Variants in VWA8 observed in about 807,000 individuals in gnomAD.
The protein encoded by VWA8 is von Willebrand factor A domain containing 8, also known as von Willebrand factor A domain-containing protein 8.
In VWA8, 221 loss-of-function variants were observed where a neutral mutation model predicts 241.5. That is an observed-to-expected ratio of 0.91 (90% CI 0.82 to 1.02). The LOEUF is 1.02. VWA8 is among the 50% of genes least tolerant of loss of function. The pLI, the probability that VWA8 is intolerant of heterozygous loss-of-function variation, is 0.00. For synonymous variants in VWA8, 852 were observed against 827.1 expected (o/e 1.03, Z -0.52); for missense variants, 2,322 against 2,328.7 (o/e 1.00, Z 0.06).
intron 39 of VWA8, among the ~76,000 whole-genome samples, chr13:41,610,392 C>T (rs2044579629): frequency 6.6e-6 from 1 of 152,134 alleles, no homozygotes; most frequent in African/African-American, 2.4e-5. Flanking sequence ...CAAATTCAGG[C>T]ACAAAGAGGA....
At chr13:41,754,812 T>C (rs934159267) in intron 21 of VWA8, among the ~76,000 whole-genome samples, 9 of 152,142 alleles carry the variant, frequency 5.9e-5, no homozygotes, top group Non-Finnish European at 8.8e-5. Context: ...ACGAGTTCAA[T>C]TGTTTTAATT....
intron 24 of VWA8, among the ~76,000 whole-genome samples, chr13:41,722,418 T>C (rs2045399964): frequency 6.6e-6 from 1 of 152,150 alleles, no homozygotes; most frequent in Non-Finnish European, 1.5e-5. Flanking sequence ...AATGAGGATA[T>C]CTAGTAAGGT....
At chr13:41,948,024 T>A (rs1365222377) in intron 2 of VWA8, among the ~76,000 whole-genome samples, 1 of 151,770 alleles carries the variant, frequency 6.6e-6, no homozygotes, top group East Asian at 1.9e-4. Flanking sequence ...GCAATTTATC[T>A]TCTAGGTAAA....
chr13:41,647,941 A>G (rs1489891709), intron 37 of VWA8, among the ~76,000 whole-genome samples: 3 of 152,142 alleles, frequency 2.0e-5, no homozygotes, highest in Non-Finnish European at 4.4e-5. Flanking sequence ...GTGAGCCAAG[A>G]TCGCACCACT....
At chr13:41,902,339 A>G (rs980473284) in intron 4 of VWA8, among the ~76,000 whole-genome samples, 5 of 152,238 alleles carry the variant, frequency 3.3e-5, no homozygotes, top group South Asian at 4.1e-4. Flanking sequence ...ATTATACATT[A>G]TACATTATAA....
At chr13:41,646,129 G>C (rs926039654) in intron 37 of VWA8, among the ~76,000 whole-genome samples, 3 of 152,168 alleles carry the variant, frequency 2.0e-5, no homozygotes, top group African/African-American at 7.2e-5. Context: ...ACCACGCCCA[G>C]CTAATTTTGT....
In VWA8 at chr13:41,819,253, C is replaced by T; in HGVS notation, c.1834G>A (p.Val612Met). The T allele has an allele frequency of 6.2e-7, 1 of 1,610,260 alleles. No homozygotes were observed. The highest frequency in any genetic ancestry group is 8.5e-7 in the Non-Finnish European group (1 of 1,179,254). Reference protein sequence around the residue: ...MFFFHYMKPLVKSEEIQVIKE... With the variant: ...MFFFHYMKPLMKSEEIQVIKE... ...ATCACTTGGATTTCTTCACTTTTCACAAGTGGTTTCATGTAATGGAAAAAG... is the reference window on the plus strand; with the variant it reads ...ATCACTTGGATTTCTTCACTTTTCATAAGTGGTTTCATGTAATGGAAAAAG... The change falls in exon 15 of 45, where the codon GTG becomes ATG. Residue 612 changes from valine (V) to methionine (M), a missense_variant. Coordinates refer to ENST00000379310, the MANE Select transcript of VWA8 (RefSeq NM_015058.2).
chr13:41,950,424 A>G (rs1878076400), intron 1 of VWA8, among the ~76,000 whole-genome samples: 1 of 151,630 alleles, frequency 6.6e-6, no homozygotes, highest in Admixed American at 6.6e-5. Flanking sequence ...GCTGGAGTGC[A>G]GTGGTGCAAG....
chr13:41,667,127 TAGTC>T (rs1283992866), intron 37 of VWA8, among the ~76,000 whole-genome samples: 8 of 152,204 alleles, frequency 5.3e-5, no homozygotes, highest in East Asian at 1.9e-4. Context: ...AATTTACTAA[TAGTC>T]AGCCAGTTAA....
At chr13:41,655,382 C>T (rs2044897078) in intron 37 of VWA8, among the ~76,000 whole-genome samples, 1 of 152,104 alleles carries the variant, frequency 6.6e-6, no homozygotes, top group African/African-American at 2.4e-5. Flanking sequence ...AGCCACCACG[C>T]CCAGCCAGTA....
At chr13:41,791,523 A>T (rs1302752542) in intron 17 of VWA8, among the ~76,000 whole-genome samples, 2 of 151,818 alleles carry the variant, frequency 1.3e-5, no homozygotes, top group Non-Finnish European at 3.0e-5. Context: ...TCTAGAGAGA[A>T]CTCTAACCTT....
chr13:41,694,634 AT>A lies in VWA8; in HGVS notation c.3565-1663del, dbSNP rs541268703. Among the ~76,000 whole-genome samples, 33 of 152,236 alleles carry A rather than the reference AT, an allele frequency of 2.2e-4. No individual in the cohort carries two copies. The South Asian group carries it at 6.4e-3, about 30-fold the overall frequency. ...GAATGAGTACTTTTTGATGGAAAAA[AT>A]ATTTCTTGTATAATAAATATGTACA... On this transcript the variant is annotated intron_variant, in intron 29 of 44. Transcript: ENST00000379310.
intron 26 of VWA8, among the ~76,000 whole-genome samples, chr13:41,718,342 TACAG>T (rs2045360322): frequency 6.6e-6 from 1 of 151,888 alleles, no homozygotes; most frequent in African/African-American, 2.4e-5. Flanking sequence ...AACTCTCTTA[TACAG>T]ACAATTTGTT....
At chr13:41,862,379 G>A (rs533192146) in intron 12 of VWA8, among the ~76,000 whole-genome samples, 91 of 152,256 alleles carry the variant, frequency 6.0e-4, no homozygotes, top group African/African-American at 2.0e-3. Context: ...CTGAATATGG[G>A]CCTTGGCAAA....
At position 41,740,835 on chromosome 13, in the gene VWA8, C is replaced by T. The variant is rs576376517; in HGVS notation, c.2427-8680G>A. Among the ~76,000 whole-genome samples the T allele has an allele frequency of 2.6e-5, 4 of 152,246 alleles. No homozygotes were observed. In the East Asian group the frequency reaches 5.8e-4, roughly 22 times the overall value. ...TCTCATCTGAGTTTAGGTATCACTGCAATTTATTTAAGATTACCCAAAACA... is the reference window on the plus strand; with the variant it reads ...TCTCATCTGAGTTTAGGTATCACTGTAATTTATTTAAGATTACCCAAAACA... On this transcript the variant is annotated intron_variant, in intron 21 of 44. Transcript: ENST00000379310.
chr13:41,855,956 A>T (rs890794723), intron 12 of VWA8, among the ~76,000 whole-genome samples: 1 of 152,240 alleles, frequency 6.6e-6, no homozygotes, highest in African/African-American at 2.4e-5. Context: ...AAGCTTAAAA[A>T]TATTTTCTAT....
intron 21 of VWA8, among the ~76,000 whole-genome samples, chr13:41,754,398 G>T (rs112839239): frequency 6.6e-6 from 1 of 152,154 alleles, no homozygotes; most frequent in Non-Finnish European, 1.5e-5. Flanking sequence ...ACATGGAACT[G>T]TAAGTCCAAT....
chr13:41,800,616 G>A (rs990564670), intron 17 of VWA8, among the ~76,000 whole-genome samples: 21 of 128,928 alleles, frequency 1.6e-4, no homozygotes, highest in Admixed American at 1.3e-3. Context: ...GTGAAACACC[G>A]TCTCTACTAA....
chr13:41,739,122 C>G (rs1469590287), intron 21 of VWA8, among the ~76,000 whole-genome samples: 1 of 152,008 alleles, frequency 6.6e-6, no homozygotes, highest in Non-Finnish European at 1.5e-5. Context: ...TATCTGTGAA[C>G]AAAACAGGTA....
Sources: gnomAD v4.1 joint callset for allele counts (sites outside exome capture counted in the v4.1 genomes callset) on GRCh38, gnomAD v4.1.1 for gene constraint, MANE v1.5 for transcripts, NCBI Gene and HGNC (gene_info 2026-07-23, HGNC 2026-07-21) for gene names.